Variants in RGS5 observed in about 807,000 individuals in gnomAD.
The protein encoded by RGS5 is regulator of G-protein signalling 5.
RGS5 carries 20 observed loss-of-function variants against 18.9 expected under a neutral mutation model. The observed-to-expected ratio is 1.06, with a 90% confidence interval of 0.74 to 1.54. RGS5 has a LOEUF of 1.54. Among genes scored for constraint, RGS5 ranks in the 40% most tolerant of loss-of-function variants. RGS5 has a pLI of 0.00. For missense variants in RGS5, 201 were observed against 211.8 expected (o/e 0.95, Z 0.32); for synonymous variants, 57 against 76.2 (o/e 0.75, Z 1.31).
chr1:163,285,315 G>A (rs186825563), intron 2 of RGS5, among the ~76,000 whole-genome samples: 1 of 152,258 alleles, frequency 6.6e-6, no homozygotes, highest in East Asian at 1.9e-4. Flanking sequence ...AGCACTTTGG[G>A]AGGCCAAGAC....
chr1:163,173,448 G>A (rs547432473), intron 1 of RGS5, among the ~76,000 whole-genome samples: 8 of 152,256 alleles, frequency 5.3e-5, no homozygotes, highest in African/African-American at 1.7e-4. Context: ...GGCTGGCTGG[G>A]AAGTCAAAAC....
chr1:163,192,862 T>G (rs1292151888), intron 1 of RGS5, among the ~76,000 whole-genome samples: 1 of 152,212 alleles, frequency 6.6e-6, no homozygotes, highest in African/African-American at 2.4e-5. Flanking sequence ...CACACTCCCA[T>G]TCACTGGATA....
At chr1:163,291,239 G>A (rs903238311) in intron 2 of RGS5, among the ~76,000 whole-genome samples, 4 of 151,960 alleles carry the variant, frequency 2.6e-5, no homozygotes, top group African/African-American at 7.3e-5. Context: ...GAAGTTTTGC[G>A]TTTGCAAAAA....
At chr1:163,248,353 T>C (rs763338589) in intron 2 of RGS5, 4 of 152,188 alleles carry the variant, frequency 2.6e-5, no homozygotes, top group African/African-American at 9.7e-5. Context: ...CAGGGTGTCA[T>C]GGAGGCCCAG....
intron 1 of RGS5, among the ~76,000 whole-genome samples, chr1:163,185,415 G>C (rs941548515): frequency 6.6e-6 from 1 of 152,170 alleles, no homozygotes; most frequent in African/African-American, 2.4e-5. Flanking sequence ...TGAGAGTTCA[G>C]AAGAATGAAT....
chr1:163,191,220 G>A (rs569365034), intron 1 of RGS5, among the ~76,000 whole-genome samples: 1 of 152,168 alleles, frequency 6.6e-6, no homozygotes, highest in Non-Finnish European at 1.5e-5. Context: ...CAGGAACATA[G>A]CTGGCAAGTG....
chr1:163,248,020 G>C (rs886461515), intron 2 of RGS5, among the ~76,000 whole-genome samples: 7 of 152,152 alleles, frequency 4.6e-5, no homozygotes, highest in African/African-American at 1.7e-4. Context: ...TAGACACAAA[G>C]GGTATCTCAT....
intron 1 of RGS5, among the ~76,000 whole-genome samples, chr1:163,185,079 G>C (rs1253137713): frequency 2.0e-5 from 3 of 151,972 alleles, no homozygotes. Flanking sequence ...AACCTCTTTT[G>C]AATTATCTGT....
At chr1:163,302,862 G>C (rs1649587746) in intron 2 of RGS5, among the ~76,000 whole-genome samples, 1 of 152,106 alleles carries the variant, frequency 6.6e-6, no homozygotes, top group African/African-American at 2.4e-5. Flanking sequence ...TTTTGTGGCT[G>C]GAAGTAATTT....
At position 163,145,797 on chromosome 1, in the gene RGS5, T is replaced by A. The variant is rs377419375; in HGVS notation, c.*1545A>T. ...CTTCACTTTCAATATTCTTAGGAAA[T>A]AACCAAATAAATGAGCTACAAATAT... On this transcript the variant is annotated 3_prime_UTR_variant, in exon 5 of 5. Coordinates refer to ENST00000313961, the MANE Select transcript of RGS5 (RefSeq NM_003617.4). 3.3e-5 allele frequency: 5 copies of A among 152,084 alleles called. No individual in the cohort carries two copies. The highest frequency in any genetic ancestry group is 7.4e-5 in the Non-Finnish European group (5 of 68,000). The allele number at this position is 152,084 out of a possible 1,614,324, so 9.4% of individuals were successfully genotyped here.
intron 2 of RGS5, among the ~76,000 whole-genome samples, chr1:163,261,682 T>C (rs1227927258): frequency 6.6e-6 from 1 of 152,170 alleles, no homozygotes; most frequent in African/African-American, 2.4e-5. Context: ...CATTCTTTCC[T>C]GAAAGGTTTG....
intron 2 of RGS5, among the ~76,000 whole-genome samples, chr1:163,301,578 C>T (rs1304104632): frequency 6.6e-6 from 1 of 152,114 alleles, no homozygotes; most frequent in African/African-American, 2.4e-5. Context: ...ACCGATCCTC[C>T]CGCCTTGGCC....
chr1:163,275,102 C>G (rs937355257), intron 2 of RGS5, among the ~76,000 whole-genome samples: 6 of 152,106 alleles, frequency 3.9e-5, no homozygotes, highest in Admixed American at 1.3e-4. Context: ...TGAGACAGAG[C>G]AAAAACCTGT....
chr1:163,282,462 A>C (rs549329773), intron 2 of RGS5, among the ~76,000 whole-genome samples: 26 of 149,422 alleles, frequency 1.7e-4, no homozygotes, highest in Admixed American at 6.0e-4. Flanking sequence ...TAATCCCAGC[A>C]CTTTGGGAGG....
intron 1 of RGS5, among the ~76,000 whole-genome samples, chr1:163,187,333 C>A (rs1284082173): frequency 1.3e-5 from 2 of 152,186 alleles, no homozygotes; most frequent in African/African-American, 4.8e-5. Flanking sequence ...GCCCCCTAGT[C>A]ACATATAGTA....
chr1:163,233,992 G>T (rs1016429504), intron 2 of RGS5, among the ~76,000 whole-genome samples: 6 of 152,182 alleles, frequency 3.9e-5, no homozygotes, highest in Admixed American at 1.3e-4. Context: ...TATACGTGCA[G>T]GTCACAGGGG....
chr1:163,233,324 T>C (rs1257395051), intron 2 of RGS5, among the ~76,000 whole-genome samples: 2 of 152,358 alleles, frequency 1.3e-5, no homozygotes, highest in Non-Finnish European at 2.9e-5. Flanking sequence ...CATTTTTCTC[T>C]TTGTAATTAA....
intron 4 of RGS5, among the ~76,000 whole-genome samples, chr1:163,152,242 A>T (rs1369995033): frequency 6.6e-6 from 1 of 152,120 alleles, no homozygotes; most frequent in Non-Finnish European, 1.5e-5. Flanking sequence ...CATTATTCTT[A>T]TTTTCACAAA....
Position 163,161,937 on chromosome 1 carries a change from C to T in RGS5, c.195G>A (p.Leu65=). Residue 65 remains leucine, a synonymous_variant, in exon 3 of 5, where the codon CTG becomes CTA. Transcript: ENST00000313961. ...LDEALQWRDS[L]DKLLQNNYGL... ...TACAGTTGTTCTGCAGGAGTTTGTC[C>T]AGGGAATCACGCCACTGCAGGGCCT... 1 of 1,613,204 alleles carries T rather than the reference C, an allele frequency of 6.2e-7. No homozygotes were observed. The highest frequency in any genetic ancestry group is 8.5e-7 in the Non-Finnish European group (1 of 1,179,368).
Sources: allele counts gnomAD v4.1 joint callset (sites outside exome capture counted in the v4.1 genomes callset), GRCh38; gene constraint gnomAD v4.1.1; transcripts MANE v1.5; gene names NCBI Gene and HGNC (gene_info 2026-07-23, HGNC 2026-07-21).